The following PKN3 variants were observed in gnomAD, a reference collection of about 807,000 sequenced individuals.
PKN3 encodes protein kinase N3.
PKN3 carries 91 observed loss-of-function variants against 113.1 expected under a neutral mutation model. That is an observed-to-expected ratio of 0.80 (90% CI 0.68 to 0.96). The LOEUF (loss-of-function observed/expected upper bound fraction) is 0.96. PKN3 is among the 40% of genes least tolerant of loss of function. The pLI, the probability that PKN3 is intolerant of heterozygous loss-of-function variation, is 0.00. For synonymous variants in PKN3, 467 were observed against 499.0 expected (o/e 0.94, Z 0.85); for missense variants, 1,052 against 1,202.2 (o/e 0.88, Z 1.85).
chr9:128,718,834 C>T (rs896080094), intron 18 of PKN3, among the ~76,000 whole-genome samples: 11 of 151,924 alleles, frequency 7.2e-5, no homozygotes, highest in Non-Finnish European at 1.5e-4. Context: ...GCACCTGGCC[C>T]AAGGGAGAGC....
intron 18 of PKN3, among the ~76,000 whole-genome samples, chr9:128,719,444 C>T (rs1862455031): frequency 6.6e-6 from 1 of 152,194 alleles, no homozygotes; most frequent in Non-Finnish European, 1.5e-5. Context: ...CCACCTCGGC[C>T]TCCCAAAGTG....
At chr9:128,711,918 G>GT (rs34340369) in intron 6 of PKN3, among the ~76,000 whole-genome samples, 6 of 150,362 alleles carry the variant, frequency 4.0e-5, no homozygotes, top group South Asian at 2.1e-4. Flanking sequence ...TGTTTTGTTT[G>GT]TTTTTTTTTG....
chr9:128,703,652 A>C, intron 1 of PKN3: 6 of 985,426 alleles, frequency 6.1e-6, no homozygotes, highest in Non-Finnish European at 7.2e-6. Flanking sequence ...GTCCCCGCAA[A>C]GAGCGGAAAG....
At chr9:128,707,485 G>C (rs957218474) in intron 6 of PKN3, 80 bp downstream of exon 6, 9 of 1,220,074 alleles carry the variant, frequency 7.4e-6, no homozygotes, top group Non-Finnish European at 1.0e-5. Context: ...CTGATGAAGA[G>C]TTCAAGAGTT....
Position 128,714,632 on chromosome 9 carries a change from CT to C in PKN3, c.1553del (p.Leu518ProfsTer45). 1.4e-6 allele frequency: 2 copies of C among 1,423,246 alleles called. No individual in the cohort carries two copies. Among genetic ancestry groups the C allele is most frequent in the Non-Finnish European group, 2.0e-6 (2 of 1,006,244 alleles). 88.2% of individuals were successfully genotyped at this position (1,423,246 alleles called of 1,614,324 possible). ...CCCACCCAAGCCCCCACGCCTCTAC[CT>C]CCCCCAGGAGCCAACATCCGAGGAG... ...TPPPKPPRLY[L>X]PQEPTSEETP... On this transcript the variant is annotated frameshift_variant, in exon 12 of 22. Coordinates refer to ENST00000291906, the MANE Select transcript of PKN3 (RefSeq NM_013355.5). LOFTEE classifies it high-confidence loss of function.
chr9:128,704,447 A>G (rs1028471466), intron 1 of PKN3, among the ~76,000 whole-genome samples: 3 of 152,124 alleles, frequency 2.0e-5, no homozygotes, highest in Non-Finnish European at 4.4e-5. Flanking sequence ...GTGAACCCCT[A>G]TTCGGCGTAG....
rs149647372 is a variant in PKN3 at position 128,706,441 on chromosome 9, GGA to G, written c.412-268_412-267del. ...TTAGCCCCAGCCCTGATCTGATGGGGGAGAGTTAGCCCCAGCCCTGATCTGAT... is the reference window on the plus strand; with the variant it reads ...TTAGCCCCAGCCCTGATCTGATGGGGGAGTTAGCCCCAGCCCTGATCTGAT... On this transcript the variant is annotated intron_variant, in intron 3 of 21. Transcript: ENST00000291906. Among the ~76,000 whole-genome samples, 1,197 of 151,794 alleles carry G rather than the reference GGA, an allele frequency of 7.9e-3. 13 individuals are homozygous for G. Among genetic ancestry groups the G allele is most frequent in the African/African-American group, 0.023 (954 of 41,334 alleles).
At chr9:128,718,653 C>T (rs1363023008) in intron 18 of PKN3, 28 bp downstream of exon 18, 4 of 1,607,390 alleles carry the variant, frequency 2.5e-6, no homozygotes, top group Non-Finnish European at 3.4e-6. Context: ...GGATCCATAT[C>T]TCCAGCCTTG....
chr9:128,718,918 C>T (rs913003838), intron 18 of PKN3, among the ~76,000 whole-genome samples: 5 of 113,948 alleles, frequency 4.4e-5, no homozygotes, highest in Non-Finnish European at 8.7e-5. Context: ...TTTTTTGAGA[C>T]GGAGTCTTGC....
rs369666203 is a variant in PKN3 at position 128,714,613 on chromosome 9, C to A, written c.1533C>A (p.Pro511=). ...TPLGEEMTPP[P]KPPRLYLPQE... ...TGGGTGAAGAGATGACACCCCCACC[C>A]AAGCCCCCACGCCTCTACCTCCCCC... The change falls in exon 12 of 22, where the codon CCC becomes CCA. Residue 511 remains proline (P), a synonymous_variant. Coordinates refer to ENST00000291906, the MANE Select transcript of PKN3 (RefSeq NM_013355.5). The A allele has an allele frequency of 5.7e-5, 83 of 1,450,110 alleles. No individual in the cohort carries two copies. The highest frequency in any genetic ancestry group is 3.5e-4 in the Middle Eastern group (2 of 5,772). 89.8% of individuals were successfully genotyped at this position (1,450,110 alleles called of 1,614,324 possible).
In PKN3 at chr9:128,705,776, G is replaced by A. The variant is rs1159351495; in HGVS notation, c.308G>A (p.Arg103Lys). The A allele has an allele frequency of 6.2e-7, 1 of 1,608,470 alleles. No homozygotes were observed. The highest frequency in any genetic ancestry group is 8.5e-7 in the Non-Finnish European group (1 of 1,177,770). Residue 103 changes from arginine to lysine, a missense_variant, in exon 3 of 22, where the codon AGG (arginine) becomes AAG (lysine). By Grantham distance (26) the Arg-to-Lys change is conservative. Around this residue, in one of 2 missense-constraint regions of PKN3, gnomAD observed 719 missense variants for 759.4 expected, o/e 0.95. Coordinates refer to ENST00000291906, the MANE Select transcript of PKN3 (RefSeq NM_013355.5). ...CCCCGGCCGTGGGCAGAGCAGCTCA[G>A]GGCTCGGCACCTAGAGGCTCTCCGG... ...SGPRPWAEQLRARHLEALRRQ... is the reference protein window; with the variant it reads ...SGPRPWAEQLKARHLEALRRQ...
rs766175278 is a variant in PKN3 at position 128,706,939 on chromosome 9, T to C, written c.567T>C (p.Val189=). Residue 189 remains valine, a synonymous_variant, in exon 5 of 22, where the codon GTT becomes GTC. Transcript: ENST00000291906. The part of the protein sequence containing the change: ...LAEELQHRLH[V]EAAVAEGAKN... ...AGGAGCTACAGCATCGACTGCACGTTGAGGCAGCTGTGGCTGAGGGCGCCA... is the reference window on the plus strand; with the variant it reads ...AGGAGCTACAGCATCGACTGCACGTCGAGGCAGCTGTGGCTGAGGGCGCCA... The C allele has an allele frequency of 6.2e-7, 1 of 1,614,142 alleles. No homozygotes were observed.
In PKN3 at chr9:128,702,672, AT is replaced by A; in HGVS notation, c.-240del. On this transcript the variant is annotated 5_prime_UTR_variant, in exon 1 of 22. It removes the in-frame stop codon of an upstream open reading frame in the 5' UTR. Transcript: ENST00000291906. ...GGTACTGGGCCCAGAATCCCGCGGA[AT>A]TTTGGATCCGAGGGAGGCGCTGGGG... The A allele has an allele frequency of 2.4e-6, 1 of 408,892 alleles. No homozygotes were observed. The highest frequency in any genetic ancestry group is 4.3e-6 in the Non-Finnish European group (1 of 231,564). 25.3% of individuals were successfully genotyped at this position (408,892 alleles called of 1,614,324 possible).
At position 128,715,135 on chromosome 9, in the gene PKN3, C is replaced by T; in HGVS notation, c.1653-37C>T. The T allele has an allele frequency of 6.2e-7, 1 of 1,601,132 alleles. No homozygotes were observed. Among genetic ancestry groups the T allele is most frequent in the Non-Finnish European group, 8.6e-7 (1 of 1,168,608 alleles). The stretch of plus-strand genomic sequence containing the variant: ...GCTCTGGGTAGGGGCCCAGCCAGTG[C>T]CCTAGGGGACTTCATATACCCTCTC... On this transcript the variant is annotated intron_variant, in intron 13 of 21. Coordinates refer to ENST00000291906, the MANE Select transcript of PKN3 (RefSeq NM_013355.5). This position sits in a 1 kb window ranked among gnomAD's most constrained non-coding sequence, Gnocchi z 4.1.
chr9:128,704,424 C>T (rs1470777423), intron 1 of PKN3, among the ~76,000 whole-genome samples: 2 of 152,220 alleles, frequency 1.3e-5, no homozygotes, highest in Non-Finnish European at 2.9e-5. Context: ...GCTGCCTTCT[C>T]ATGTGGCTTC....
rs1862320449 is a variant in PKN3 at position 128,715,768 on chromosome 9, C to T, written c.1808+308C>T. Among the ~76,000 whole-genome samples the T allele has an allele frequency of 6.6e-6, 1 of 152,168 alleles. No homozygotes were observed. The highest frequency in any genetic ancestry group is 2.4e-5 in the African/African-American group (1 of 41,432). ...GTAACTCATGCATGTAACCCCAGCA[C>T]TTTGGGAGGCCAAGGCAGGCGGATC... is the stretch of plus-strand genomic sequence containing the variant. On this transcript the variant is annotated intron_variant, in intron 15 of 21. Transcript: ENST00000291906. This position sits in a 1 kb window ranked among gnomAD's most constrained non-coding sequence, Gnocchi z 4.1.
Position 128,715,814 on chromosome 9 carries a change from G to A in PKN3, c.1808+354G>A, listed in dbSNP as rs1862321714. Among the ~76,000 whole-genome samples, 2 of 152,056 alleles carry A rather than the reference G, an allele frequency of 1.3e-5. No homozygotes were observed. The highest frequency in any genetic ancestry group is 4.8e-5 in the African/African-American group (2 of 41,394). ...GGATCACTTGAGTCCAGGAGTTCAA[G>A]ACCAATCTGAATCACATGGTGAAAC... On this transcript the variant is annotated intron_variant, in intron 15 of 21. Transcript: ENST00000291906. This position sits in a 1 kb window ranked among gnomAD's most constrained non-coding sequence, Gnocchi z 4.1.
Position 128,714,812 on chromosome 9 carries a change from C to G in PKN3, c.1599C>G (p.Pro533=), listed in dbSNP as rs752884509. 1 of 1,613,896 alleles carries G rather than the reference C, an allele frequency of 6.2e-7. No homozygotes were observed. The part of the protein sequence containing the change: ...TSEETPRTKR[P]HMEPRTRRGP... ...TATACTCACAGCGCACCAAACGTCCCCATATGGAGCCTAGGACTCGACGTG... is the reference window on the plus strand; with the variant it reads ...TATACTCACAGCGCACCAAACGTCCGCATATGGAGCCTAGGACTCGACGTG... The change falls in exon 13 of 22, where the codon CCC becomes CCG. Residue 533 remains proline, a synonymous_variant. Coordinates refer to ENST00000291906, the MANE Select transcript of PKN3 (RefSeq NM_013355.5).
At position 128,705,741 on chromosome 9, in the gene PKN3, G is replaced by A. The variant is rs1451416378; in HGVS notation, c.273G>A (p.Val91=). ...CGATACCCCCGTGCACAGAGCCTGT[G>A]GCCTCAGGACCCCGGCCGTGGGCAG... ...PGPGPGPAEP[V]ASGPRPWAEQ... Residue 91 remains valine (V), a synonymous_variant, in exon 3 of 22, where the codon GTG becomes GTA. Coordinates refer to ENST00000291906, the MANE Select transcript of PKN3 (RefSeq NM_013355.5). 2 of 1,604,828 alleles carry A rather than the reference G, an allele frequency of 1.2e-6. No individual in the cohort carries two copies. Among genetic ancestry groups the A allele is most frequent in the Non-Finnish European group, 1.7e-6 (2 of 1,176,034 alleles).
Sources: allele counts gnomAD v4.1 joint callset (sites outside exome capture counted in the v4.1 genomes callset), GRCh38; gene constraint gnomAD v4.1.1; regional missense constraint gnomAD v4.1.1; non-coding constraint Gnocchi (gnomAD v3.1); transcripts MANE v1.5; gene names NCBI Gene and HGNC (gene_info 2026-07-23, HGNC 2026-07-21).